Variants in AHR observed in about 807,000 individuals in gnomAD.
AHR encodes the protein AH-receptor.
Under a neutral mutation model 86.8 loss-of-function variants are expected in AHR, and 40 were observed. That is an observed-to-expected ratio of 0.46 (90% CI 0.36 to 0.60). The LOEUF is 0.60. Among genes scored for constraint, AHR ranks in the 20% least tolerant of loss-of-function variants. The probability of loss-of-function intolerance (pLI) is 0.00; values close to 1 mark genes in which losing one functional copy is unlikely to be tolerated. For missense variants in AHR, 1,001 were observed against 1,011.6 expected (o/e 0.99, Z 0.14); for synonymous variants, 398 against 354.9 (o/e 1.12, Z -1.37).
intron 7 of AHR, 89 bp from the exon 8 acceptor site, chr7:17,334,798 C>T (rs1286644930): frequency 3.4e-6 from 3 of 872,252 alleles, no homozygotes; most frequent in South Asian, 2.0e-5. Flanking sequence ...ATTGCAGAAA[C>T]TAGCGTAAAA....
At chr7:17,307,439 G>C (rs1218472768) in intron 1 of AHR, among the ~76,000 whole-genome samples, 1 of 152,160 alleles carries the variant, frequency 6.6e-6, no homozygotes, top group Non-Finnish European at 1.5e-5. Flanking sequence ...TCATGAAAGT[G>C]ATCTACTTGA....
intron 1 of AHR, among the ~76,000 whole-genome samples, chr7:17,299,912 G>T (rs1781937623): frequency 6.6e-6 from 1 of 152,202 alleles, no homozygotes; most frequent in African/African-American, 2.4e-5. Context: ...GACCATATCG[G>T]TAAAGTGGAT....
At chr7:17,303,757 T>C (rs946373389) in intron 1 of AHR, among the ~76,000 whole-genome samples, 1 of 152,068 alleles carries the variant, frequency 6.6e-6, no homozygotes, top group African/African-American at 2.4e-5. Context: ...AGGAAAAAAT[T>C]CCTGTAAGGG....
At chr7:17,313,999 A>G (rs1430172463) in intron 2 of AHR, among the ~76,000 whole-genome samples, 1 of 152,136 alleles carries the variant, frequency 6.6e-6, no homozygotes, top group African/African-American at 2.4e-5. Flanking sequence ...CATATCTTTA[A>G]TACAATTTTT....
intron 2 of AHR, among the ~76,000 whole-genome samples, chr7:17,313,164 T>C (rs891117967): frequency 6.6e-6 from 1 of 152,070 alleles, no homozygotes; most frequent in Non-Finnish European, 1.5e-5. Flanking sequence ...TCCTCCAGAC[T>C]ACCAGTGGTC....
At chr7:17,341,395 C>G (rs910080789) in intron 10 of AHR, among the ~76,000 whole-genome samples, 11 of 152,230 alleles carry the variant, frequency 7.2e-5, no homozygotes, top group African/African-American at 2.4e-4. Flanking sequence ...GCAAATTGTA[C>G]AGAAGTTAAT....
At chr7:17,322,754 T>G (rs1782187833) in intron 3 of AHR, 147 bp downstream of exon 3, 2 of 611,886 alleles carry the variant, frequency 3.3e-6, no homozygotes, top group South Asian at 4.4e-5. Context: ...TGAATGATGC[T>G]TAATACATGA....
In AHR at chr7:17,299,155, C is replaced by T. The variant is rs1166259407; in HGVS notation, c.-110C>T. On this transcript the variant is annotated 5_prime_UTR_variant, in exon 1 of 11. Coordinates refer to ENST00000242057, the MANE Select transcript of AHR (RefSeq NM_001621.5). ...CGAGAGGACGCAGGTGGAGCGGGCG[C>T]GGCTTCGCGGAACCCGGCGCCGGCC... The T allele has an allele frequency of 1.6e-6, 2 of 1,231,242 alleles. No homozygotes were observed. Among genetic ancestry groups the T allele is most frequent in the Non-Finnish European group, 1.1e-6 (1 of 917,406 alleles). 76.3% of individuals were successfully genotyped at this position (1,231,242 alleles called of 1,614,324 possible). A position where few individuals can be genotyped will look rare whatever the true frequency, so the allele number is the denominator to read the frequency against.
At chr7:17,331,794 C>T (rs544455176) in intron 6 of AHR, among the ~76,000 whole-genome samples, 4 of 152,042 alleles carry the variant, frequency 2.6e-5, no homozygotes, top group African/African-American at 9.6e-5. Flanking sequence ...ATCCTTAGCT[C>T]ATGTTACCAA....
At position 17,304,630 on chromosome 7, in the gene AHR, C is replaced by T. The variant is rs534023130; in HGVS notation, c.65+5301C>T. 1.7e-3 allele frequency among the ~76,000 whole-genome samples: 257 copies of T among 152,234 alleles called. 1 individual carries two copies. Among genetic ancestry groups the T allele is most frequent in the African/African-American group, 6.0e-3 (250 of 41,550 alleles). On this transcript the variant is annotated intron_variant, in intron 1 of 10. Coordinates refer to ENST00000242057, the MANE Select transcript of AHR (RefSeq NM_001621.5). ...AGACCCGATTTAGATGCCACATCTC[C>T]ATGAACTCTTTTGCAGCACCTGTGT...
chr7:17,336,726 C>T (rs1388142283), intron 9 of AHR, among the ~76,000 whole-genome samples: 1 of 152,106 alleles, frequency 6.6e-6, no homozygotes, highest in Non-Finnish European at 1.5e-5. Context: ...TATGTGTGTA[C>T]CATATGTATA....
chr7:17,329,597 G>A (rs575802832), intron 4 of AHR, among the ~76,000 whole-genome samples: 2 of 151,942 alleles, frequency 1.3e-5, no homozygotes, highest in South Asian at 4.2e-4. Context: ...GGCCTGGGGT[G>A]GTTAGGAAAA....
intron 2 of AHR, among the ~76,000 whole-genome samples, chr7:17,315,374 A>C (rs1233827770): frequency 1.3e-5 from 2 of 152,044 alleles, no homozygotes; most frequent in African/African-American, 4.8e-5. Context: ...TTTGAAGAAC[A>C]CAGTGACAAA....
chr7:17,341,719 T>C (rs1017049759), intron 10 of AHR, among the ~76,000 whole-genome samples: 3 of 152,182 alleles, frequency 2.0e-5, no homozygotes, highest in Non-Finnish European at 4.4e-5. Context: ...GATTTCATGT[T>C]GAAATGATTA....
chr7:17,322,927 G>C (rs547626105), intron 3 of AHR, among the ~76,000 whole-genome samples: 1 of 152,138 alleles, frequency 6.6e-6, no homozygotes, highest in South Asian at 2.1e-4. Context: ...ACAGTATTCA[G>C]TATAGTAACA....
rs565801880 is a variant in AHR, at chr7:17,312,915, G to A, written c.253+2792G>A. 8.6e-4 allele frequency among the ~76,000 whole-genome samples: 131 copies of A among 152,250 alleles called. 1 individual carries two copies. The highest frequency in any genetic ancestry group is 1.5e-3 in the Non-Finnish European group (104 of 68,014). ...ATCAGTATTTTAACAAGCATGTTAC[G>A]GAGTCTGAGGCAGTGATTTAGCCTA... On this transcript the variant is annotated intron_variant, in intron 2 of 10. Coordinates refer to ENST00000242057, the MANE Select transcript of AHR (RefSeq NM_001621.5).
intron 3 of AHR, among the ~76,000 whole-genome samples, chr7:17,323,827 A>T (rs552258496): frequency 1.4e-4 from 21 of 152,332 alleles, no homozygotes; most frequent in African/African-American, 4.6e-4. Context: ...CTTCATGTAT[A>T]TGTAAACCCA....
rs1781923202 is a variant in AHR at position 17,299,037 on chromosome 7, T to C, written c.-228T>C. 6.2e-6 allele frequency: 3 copies of C among 484,552 alleles called. No individual in the cohort carries two copies. Among genetic ancestry groups the C allele is most frequent in the South Asian group, 8.2e-5 (2 of 24,346 alleles). The allele number at this position is 484,552 out of a possible 1,614,324, so 30.0% of individuals were successfully genotyped here. On this transcript the variant is annotated 5_prime_UTR_variant, in exon 1 of 11. Transcript: ENST00000242057. Reference sequence around the variant, plus strand: ...GTCTCCGCCCCTCGCCCACCCTCACTGCGCCAGGCCCAGGCAGCTCACCTG... The same window carrying C: ...GTCTCCGCCCCTCGCCCACCCTCACCGCGCCAGGCCCAGGCAGCTCACCTG...
chr7:17,338,368 A>T (rs1050259349), intron 9 of AHR, among the ~76,000 whole-genome samples: 1 of 151,514 alleles, frequency 6.6e-6, no homozygotes, highest in Non-Finnish European at 1.5e-5. Context: ...TATTATTATT[A>T]TTTTTGAGAC....
Sources: allele counts gnomAD v4.1 joint callset (sites outside exome capture counted in the v4.1 genomes callset), GRCh38; gene constraint gnomAD v4.1.1; transcripts MANE v1.5; gene names NCBI Gene and HGNC (gene_info 2026-07-23, HGNC 2026-07-21).